Variants in NDUFAF2 observed in about 807,000 individuals in gnomAD.
NDUFAF2 encodes the protein NADH dehydrogenase [ubiquinone] 1 alpha subcomplex assembly factor 2.
NDUFAF2 carries 13 observed loss-of-function variants against 22.8 expected under a neutral mutation model. The observed-to-expected ratio is 0.57, with a 90% CI of 0.37 to 0.91. The LOEUF (loss-of-function observed/expected upper bound fraction) is 0.91. NDUFAF2 is among the 40% of genes least tolerant of loss of function. The pLI is 0.01. For synonymous variants in NDUFAF2, 53 were observed against 64.2 expected, an observed-to-expected ratio of 0.83 and a Z score of 0.84; for missense variants, 162 against 195.2, an observed-to-expected ratio of 0.83 and a Z score of 1.01.
At chr5:61,112,259 G>A (rs1226056468) in intron 3 of NDUFAF2, among the ~76,000 whole-genome samples, 1 of 143,626 alleles carries the variant, frequency 7.0e-6, no homozygotes, top group Non-Finnish European at 1.5e-5. Context: ...CTGTCACCAG[G>A]CTAGAGTGCT....
At chr5:60,983,109 G>A (rs1304163419) in intron 1 of NDUFAF2, among the ~76,000 whole-genome samples, 1 of 150,992 alleles carries the variant, frequency 6.6e-6, no homozygotes. Context: ...GTGTGAGATG[G>A]TATCTCATTG....
At chr5:61,042,461 T>G (rs4699967) in intron 1 of NDUFAF2, among the ~76,000 whole-genome samples, 5,339 of 152,204 alleles carry the variant, frequency 0.035, 111 homozygotes, top group Admixed American at 0.058. Flanking sequence ...AATATATATA[T>G]AGAGAGATAT....
chr5:61,046,002 T>C (rs981706758), intron 1 of NDUFAF2, among the ~76,000 whole-genome samples: 1 of 152,224 alleles, frequency 6.6e-6, no homozygotes, highest in Non-Finnish European at 1.5e-5. Flanking sequence ...ATGTCTAATT[T>C]GTTGAGAGTT....
chr5:61,141,221 C>T (rs956795569), intron 3 of NDUFAF2, among the ~76,000 whole-genome samples: 6 of 111,748 alleles, frequency 5.4e-5, no homozygotes, highest in African/African-American at 1.8e-4. Flanking sequence ...CAGCGAAACT[C>T]CGTCTCAAAA....
chr5:61,078,267 A>G (rs917859287), intron 2 of NDUFAF2, among the ~76,000 whole-genome samples: 3 of 83,990 alleles, frequency 3.6e-5, no homozygotes, highest in African/African-American at 7.1e-5. Flanking sequence ...GCCTAGCTCA[A>G]TAGTTAAGTA....
intron 2 of NDUFAF2, among the ~76,000 whole-genome samples, chr5:61,075,905 G>A (rs982975186): frequency 6.6e-6 from 1 of 151,984 alleles, no homozygotes; most frequent in Non-Finnish European, 1.5e-5. Context: ...CTTTTTCTTC[G>A]TTTATTTAGT....
intron 1 of NDUFAF2, among the ~76,000 whole-genome samples, chr5:61,067,484 T>C (rs924442886): frequency 5.3e-5 from 8 of 152,102 alleles, no homozygotes; most frequent in African/African-American, 1.9e-4. Context: ...ACAAAGGACA[T>C]GAACTCATCA....
intron 1 of NDUFAF2, among the ~76,000 whole-genome samples, chr5:61,072,521 T>C (rs993388847): frequency 6.6e-6 from 1 of 152,328 alleles, no homozygotes; most frequent in East Asian, 1.9e-4. Flanking sequence ...ATATTTTTTA[T>C]TGGCCATTAG....
At chr5:61,136,029 A>ATATC (rs1378779856) in intron 3 of NDUFAF2, among the ~76,000 whole-genome samples, 1 of 109,470 alleles carries the variant, frequency 9.1e-6, no homozygotes, top group Non-Finnish European at 1.9e-5. Context: ...ATATATATAT[A>ATATC]TATATATATA....
intron 1 of NDUFAF2, among the ~76,000 whole-genome samples, chr5:60,991,832 G>A (rs574381955): frequency 4.6e-5 from 7 of 152,202 alleles, no homozygotes; most frequent in South Asian, 2.1e-4. Context: ...TTGCCAGGTC[G>A]TATGGTGGCT....
At chr5:61,060,103 T>A (rs1752145536) in intron 1 of NDUFAF2, among the ~76,000 whole-genome samples, 1 of 152,150 alleles carries the variant, frequency 6.6e-6, no homozygotes, top group South Asian at 2.1e-4. Context: ...AACTACCCTA[T>A]ACCTTTTTTT....
At chr5:61,086,994 C>T (rs928077068) in intron 2 of NDUFAF2, among the ~76,000 whole-genome samples, 2 of 152,098 alleles carry the variant, frequency 1.3e-5, no homozygotes, top group Non-Finnish European at 2.9e-5. Flanking sequence ...ATGGTGTGGA[C>T]TAAATGTGGT....
In NDUFAF2 at chr5:61,149,928, T is replaced by C. The variant is rs111587498; in HGVS notation, c.259-2776T>C. 7.4e-3 allele frequency among the ~76,000 whole-genome samples: 1,132 copies of C among 152,230 alleles called. 13 individuals are homozygous for C. The highest frequency in any genetic ancestry group is 0.025 in the African/African-American group (1,059 of 41,542). On this transcript the variant is annotated intron_variant, in intron 3 of 3. Coordinates refer to ENST00000296597, the MANE Select transcript of NDUFAF2 (RefSeq NM_174889.5). The stretch of plus-strand genomic sequence containing the variant: ...ATTTTCATTGTTGTTGTTTGGGGGT[T>C]TTTTTGTTTTGTTTTATTTGAGATG...
intron 1 of NDUFAF2, among the ~76,000 whole-genome samples, chr5:60,972,299 C>T (rs1215844184): frequency 2.0e-5 from 3 of 151,416 alleles, no homozygotes; most frequent in Non-Finnish European, 2.9e-5. Flanking sequence ...TGTCCCCACT[C>T]AAATCTCACC....
intron 3 of NDUFAF2, among the ~76,000 whole-genome samples, chr5:61,103,327 G>C (rs1365530497): frequency 6.6e-6 from 1 of 151,884 alleles, no homozygotes; most frequent in African/African-American, 2.4e-5. Flanking sequence ...CCATCAACTG[G>C]CATACTCCTG....
rs181257366 is a variant in NDUFAF2, at chr5:61,102,685, A to G, written c.258+3653A>G. ...TCAGAATTAAATTCTAATGCTCATT[A>G]TAAGAGAACATTAGGAAATCAAAAG... On this transcript the variant is annotated intron_variant, in intron 3 of 3. Coordinates refer to ENST00000296597, the MANE Select transcript of NDUFAF2 (RefSeq NM_174889.5). Among the ~76,000 whole-genome samples, 121 of 152,270 alleles carry G rather than the reference A, an allele frequency of 7.9e-4. 1 individual carries two copies. Among genetic ancestry groups the G allele is most frequent in the African/African-American group, 2.2e-3 (92 of 41,586 alleles).
At chr5:61,136,165 G>C (rs1330031440) in intron 3 of NDUFAF2, among the ~76,000 whole-genome samples, 1 of 150,086 alleles carries the variant, frequency 6.7e-6, no homozygotes, top group African/African-American at 2.5e-5. Context: ...GTTGTCATTT[G>C]CTATTTTAGA....
intron 3 of NDUFAF2, among the ~76,000 whole-genome samples, chr5:61,135,975 T>C (rs572291059): frequency 7.4e-6 from 1 of 134,336 alleles, no homozygotes; most frequent in African/African-American, 3.0e-5. Context: ...AACCTAGCCC[T>C]CTTCTTGGTC....
chr5:61,101,897 C>A lies in NDUFAF2; in HGVS notation c.258+2865C>A, dbSNP rs188841286. Among the ~76,000 whole-genome samples the A allele has an allele frequency of 2.4e-4, 37 of 152,232 alleles. No homozygotes were observed. The East Asian group carries it at 5.2e-3, about 21-fold the overall frequency. On this transcript the variant is annotated intron_variant, in intron 3 of 3. Transcript: ENST00000296597. ...GTACAATATTGCTAATGTATTCATT[C>A]TTCCCAAACTGATCCACAGTAGTTC...
Sources: allele counts gnomAD v4.1 joint callset (sites outside exome capture counted in the v4.1 genomes callset), GRCh38; gene constraint gnomAD v4.1.1; transcripts MANE v1.5; gene names NCBI Gene and HGNC (gene_info 2026-07-23, HGNC 2026-07-21).